Variants in EXOC6 observed in about 807,000 individuals in gnomAD.
EXOC6 encodes the protein exocyst complex component 6, also known as SEC15-like 1.
A neutral mutation model predicts 112.5 loss-of-function variants in EXOC6; 60 were observed. That is an observed-to-expected ratio of 0.53 (90% CI 0.43 to 0.66). EXOC6 has a LOEUF of 0.66. Ranked by LOEUF, EXOC6 falls within the 30% of genes least tolerant of loss-of-function variation. The pLI, the probability that EXOC6 is intolerant of heterozygous loss-of-function variation, is 0.00. For synonymous variants in EXOC6, 295 were observed against 308.0 expected, an observed-to-expected ratio of 0.96 and a Z score of 0.44; for missense variants, 855 against 957.1, an observed-to-expected ratio of 0.89 and a Z score of 1.41.
At chr10:92,911,548 T>C (rs954387148) in intron 6 of EXOC6, among the ~76,000 whole-genome samples, 2 of 152,226 alleles carry the variant, frequency 1.3e-5, no homozygotes, top group African/African-American at 4.8e-5. Context: ...TTTTGGATTC[T>C]TTCCACTTAG....
In EXOC6 at chr10:92,954,667, A is replaced by T; in HGVS notation, c.1564A>T (p.Asn522Tyr). ...AGACGATATGCTTAGAAAATCAACA[A>T]ATCTGCTGCTGACCAGAACTTTGAG... ...EIDDMLRKST[N>Y]LLLTRTLSSC... Residue 522 changes from asparagine to tyrosine, a missense_variant, in exon 16 of 22, where the codon AAT (asparagine) becomes TAT (tyrosine). By Grantham distance (143) the Asn-to-Tyr change is moderately radical. Transcript: ENST00000260762. The T allele has an allele frequency of 6.2e-7, 1 of 1,608,778 alleles. No individual in the cohort carries two copies.
chr10:92,844,545 A>G (rs1050492197), upstream of EXOC6, among the ~76,000 whole-genome samples: 27 of 152,312 alleles, frequency 1.8e-4, no homozygotes, highest in African/African-American at 6.5e-4. Flanking sequence ...GTTGGTTTAC[A>G]TCCACCAAAC....
chr10:92,867,036 TAA>T (rs1848208179), intron 1 of EXOC6, among the ~76,000 whole-genome samples: 1 of 152,146 alleles, frequency 6.6e-6, no homozygotes, highest in African/African-American at 2.4e-5. Flanking sequence ...AATGAAGAGG[TAA>T]AAGTCTTTCT....
At chr10:93,004,161 G>A (rs565271597) in intron 19 of EXOC6, among the ~76,000 whole-genome samples, 1 of 152,260 alleles carries the variant, frequency 6.6e-6, no homozygotes, top group South Asian at 2.1e-4. Flanking sequence ...ATGGATTCCA[G>A]GCATTTTGGA....
chr10:92,848,791 G>T (rs1197824819), intron 1 of EXOC6, among the ~76,000 whole-genome samples, 157 bp downstream of exon 1: 1 of 151,770 alleles, frequency 6.6e-6, no homozygotes, highest in Non-Finnish European at 1.5e-5. Context: ...CGGAACTCTA[G>T]CCGGTACCCG....
At chr10:92,968,125 C>A (rs562843153) in intron 17 of EXOC6, among the ~76,000 whole-genome samples, 1 of 151,114 alleles carries the variant, frequency 6.6e-6, no homozygotes, top group East Asian at 1.9e-4. Flanking sequence ...ATAGGTGTTA[C>A]TGCCATGAAT....
At chr10:92,868,582 A>C (rs1157318738) in intron 1 of EXOC6, among the ~76,000 whole-genome samples, 1 of 150,462 alleles carries the variant, frequency 6.6e-6, no homozygotes, top group Admixed American at 6.6e-5. Context: ...GTTCTAGAAC[A>C]CTCAAAGTAT....
intron 20 of EXOC6, among the ~76,000 whole-genome samples, chr10:93,035,590 C>T (rs1254276274): frequency 6.6e-6 from 1 of 152,218 alleles, no homozygotes; most frequent in African/African-American, 2.4e-5. Context: ...CGTGGTGGCT[C>T]ACGCCTGTAA....
Position 93,056,984 on chromosome 10 carries a change from G to A in EXOC6, c.2230G>A (p.Ala744Thr). Residue 744 changes from alanine to threonine, a missense_variant, in exon 21 of 22, where the codon GCT becomes ACT. Coordinates refer to ENST00000260762, the MANE Select transcript of EXOC6 (RefSeq NM_019053.6). ...STYLADYGQP[A>T]SKYLRVNPNT... ...TTACCTAGCTGATTATGGGCAGCCA[G>A]CTTCTAAGTACCTTCGGGTGAATCC... The A allele has an allele frequency of 6.3e-7, 1 of 1,598,498 alleles. No homozygotes were observed.
At position 93,007,379 on chromosome 10, in the gene EXOC6, A is replaced by G. The variant is rs560754269; in HGVS notation, c.2096-6815A>G. 2.0e-5 allele frequency among the ~76,000 whole-genome samples: 3 copies of G among 152,196 alleles called. No homozygotes were observed. In the South Asian group the frequency reaches 6.2e-4, roughly 32 times the overall value. ...ACTTCATAGATTGCCGGCTGGGCGC[A>G]ATGGCTCACATCTGTAATCCCAGCA... On this transcript the variant is annotated intron_variant, in intron 19 of 21. Transcript: ENST00000260762.
intron 1 of EXOC6, among the ~76,000 whole-genome samples, chr10:92,888,852 A>T (rs988505335): frequency 6.6e-6 from 1 of 152,228 alleles, no homozygotes; most frequent in Non-Finnish European, 1.5e-5. Flanking sequence ...AGTTCTTGTT[A>T]TATATGTTAA....
At chr10:92,912,166 T>A (rs1166109676) in intron 6 of EXOC6, among the ~76,000 whole-genome samples, 1 of 151,788 alleles carries the variant, frequency 6.6e-6, no homozygotes, top group African/African-American at 2.4e-5. Context: ...TACGGATGGA[T>A]GGACTTGTTA....
At chr10:92,862,513 G>A (rs1847960259) in intron 1 of EXOC6, among the ~76,000 whole-genome samples, 1 of 152,164 alleles carries the variant, frequency 6.6e-6, no homozygotes, top group African/African-American at 2.4e-5. Flanking sequence ...TGAGGATGCA[G>A]TTACAAGGCA....
chr10:92,852,617 G>T (rs191431231), intron 1 of EXOC6, among the ~76,000 whole-genome samples: 32 of 152,178 alleles, frequency 2.1e-4, no homozygotes, highest in Middle Eastern at 3.4e-3. Context: ...AAAGATGCTG[G>T]CTTAACATTT....
At chr10:93,040,253 C>T (rs550611612) in intron 20 of EXOC6, among the ~76,000 whole-genome samples, 2 of 152,224 alleles carry the variant, frequency 1.3e-5, no homozygotes, top group African/African-American at 4.8e-5. Flanking sequence ...TCTGCTTTAT[C>T]CTTTTCTTTT....
At chr10:92,878,142 C>G (rs984748676) in intron 1 of EXOC6, 1 of 152,720 alleles carries the variant, frequency 6.5e-6, no homozygotes, top group African/African-American at 2.4e-5. Context: ...ATTTGTTTGC[C>G]ATGTTATGGT....
At chr10:93,029,920 T>C (rs1845197194) in intron 20 of EXOC6, among the ~76,000 whole-genome samples, 1 of 151,842 alleles carries the variant, frequency 6.6e-6, no homozygotes, top group Non-Finnish European at 1.5e-5. Context: ...TCTTTTTTTT[T>C]TTTTTGAGAT....
intron 20 of EXOC6, among the ~76,000 whole-genome samples, chr10:93,055,867 A>G (rs1846515127): frequency 6.6e-6 from 1 of 152,208 alleles, no homozygotes; most frequent in Non-Finnish European, 1.5e-5. Context: ...ACCTTCATCA[A>G]GAAAAGCTAG....
At chr10:92,853,749 A>C (rs889054038) in intron 1 of EXOC6, among the ~76,000 whole-genome samples, 3 of 152,214 alleles carry the variant, frequency 2.0e-5, no homozygotes, top group Non-Finnish European at 2.9e-5. Flanking sequence ...AAATGAACCC[A>C]AGACCTAAAT....
Sources: gnomAD v4.1 joint callset for allele counts (sites outside exome capture counted in the v4.1 genomes callset) on GRCh38, gnomAD v4.1.1 for gene constraint, MANE v1.5 for transcripts, NCBI Gene and HGNC (gene_info 2026-07-23, HGNC 2026-07-21) for gene names.